Variants in STXBP5L observed in about 807,000 individuals in gnomAD.
The protein encoded by STXBP5L is syntaxin binding protein 5L, also known as syntaxin-binding protein 5-like.
STXBP5L carries 65 observed loss-of-function variants against 144.5 expected under a neutral mutation model. The observed-to-expected ratio is 0.45, with a 90% CI of 0.37 to 0.55. STXBP5L has a LOEUF of 0.55. Ranked by LOEUF, STXBP5L falls within the 20% of genes least tolerant of loss-of-function variation. The pLI is 0.00. For synonymous variants in STXBP5L, 505 were observed against 469.6 expected (o/e 1.08, Z -0.97); for missense variants, 1,298 against 1,405.5 (o/e 0.92, Z 1.22).
intron 20 of STXBP5L, among the ~76,000 whole-genome samples, chr3:121,337,305 A>G (rs1036068391): frequency 6.6e-6 from 1 of 152,104 alleles, no homozygotes; most frequent in African/African-American, 2.4e-5. Flanking sequence ...TCTTCAAGAG[A>G]CTCATCTAAT....
chr3:121,165,368 T>A (rs964412035), intron 9 of STXBP5L, among the ~76,000 whole-genome samples: 1 of 152,272 alleles, frequency 6.6e-6, no homozygotes, highest in African/African-American at 2.4e-5. Context: ...AGCACTATGA[T>A]GATATTATAC....
At chr3:121,211,778 C>T (rs1415432307) in intron 10 of STXBP5L, among the ~76,000 whole-genome samples, 1 of 151,892 alleles carries the variant, frequency 6.6e-6, no homozygotes, top group African/African-American at 2.4e-5. Flanking sequence ...GACAGGGTTA[C>T]ACCATGTTGG....
At chr3:120,928,985 A>G (rs1206989012) in intron 2 of STXBP5L, among the ~76,000 whole-genome samples, 4 of 152,274 alleles carry the variant, frequency 2.6e-5, no homozygotes, top group Non-Finnish European at 4.4e-5. Flanking sequence ...CGCAGGCAGA[A>G]GAGTGGGAGA....
chr3:121,242,529 A>T (rs1329676094), intron 14 of STXBP5L, among the ~76,000 whole-genome samples: 1 of 152,176 alleles, frequency 6.6e-6, no homozygotes, highest in Admixed American at 6.5e-5. Flanking sequence ...ACTTAAAAAC[A>T]CTACTGACAC....
chr3:121,387,481 T>C (rs1490520074), intron 22 of STXBP5L, among the ~76,000 whole-genome samples: 1 of 152,212 alleles, frequency 6.6e-6, no homozygotes, highest in Non-Finnish European at 1.5e-5. Context: ...TCCTTGCCCA[T>C]GCCTATGTCC....
chr3:121,292,333 CA>C (rs2051471444), intron 19 of STXBP5L, among the ~76,000 whole-genome samples: 1 of 152,142 alleles, frequency 6.6e-6, no homozygotes, highest in Admixed American at 6.5e-5. Flanking sequence ...ATCAAAATCA[CA>C]ATGCAATACC....
intron 18 of STXBP5L, among the ~76,000 whole-genome samples, chr3:121,274,806 G>A (rs1244276547): frequency 6.6e-6 from 1 of 152,200 alleles, no homozygotes; most frequent in African/African-American, 2.4e-5. Context: ...ATGAGACATA[G>A]TAATAGCATG....
intron 3 of STXBP5L, among the ~76,000 whole-genome samples, chr3:120,985,553 A>T (rs1416917851): frequency 1.3e-5 from 2 of 151,892 alleles, no homozygotes; most frequent in Non-Finnish European, 2.9e-5. Flanking sequence ...GCATTTTTTC[A>T]CCAACATCAG....
chr3:121,413,645 AAC>A (rs936562657), intron 24 of STXBP5L, among the ~76,000 whole-genome samples: 1 of 152,194 alleles, frequency 6.6e-6, no homozygotes, highest in Non-Finnish European at 1.5e-5. Context: ...TATGTATGTA[AAC>A]ACAAAAATTT....
intron 14 of STXBP5L, among the ~76,000 whole-genome samples, chr3:121,249,026 T>A (rs2049949190): frequency 6.6e-6 from 1 of 152,210 alleles, no homozygotes; most frequent in African/African-American, 2.4e-5. Context: ...ACCAGTACCA[T>A]GCTGTTTTGG....
At chr3:121,309,597 A>G (rs2043457242) in intron 19 of STXBP5L, among the ~76,000 whole-genome samples, 1 of 152,178 alleles carries the variant, frequency 6.6e-6, no homozygotes, top group Non-Finnish European at 1.5e-5. Flanking sequence ...CAGAAGATCA[A>G]AAAAGAATTA....
At chr3:121,413,871 C>T (rs956685929) in intron 24 of STXBP5L, among the ~76,000 whole-genome samples, 1 of 152,008 alleles carries the variant, frequency 6.6e-6, no homozygotes, top group Non-Finnish European at 1.5e-5. Context: ...ACTATTTAAC[C>T]CCCCTCATTT....
At chr3:121,067,756 T>G (rs529914682) in intron 5 of STXBP5L, among the ~76,000 whole-genome samples, 1 of 152,324 alleles carries the variant, frequency 6.6e-6, no homozygotes, top group East Asian at 1.9e-4. Context: ...TTTTTAGTAG[T>G]GATGACTTAT....
At chr3:121,176,555 C>T (rs2046944684) in intron 9 of STXBP5L, among the ~76,000 whole-genome samples, 1 of 143,294 alleles carries the variant, frequency 7.0e-6, no homozygotes, top group African/African-American at 2.5e-5. Flanking sequence ...AAATAACAAG[C>T]ATTTTCAGAT....
chr3:120,913,529 C>T (rs1442025849), intron 2 of STXBP5L, among the ~76,000 whole-genome samples: 1 of 151,924 alleles, frequency 6.6e-6, no homozygotes, highest in Non-Finnish European at 1.5e-5. Context: ...CTTATATATG[C>T]CTTAAACATT....
chr3:121,404,711 T>C (rs1259696485), intron 22 of STXBP5L, among the ~76,000 whole-genome samples: 2 of 152,144 alleles, frequency 1.3e-5, no homozygotes, highest in Non-Finnish European at 2.9e-5. Flanking sequence ...ATAGAAGACA[T>C]GAAACTCCTG....
intron 8 of STXBP5L, among the ~76,000 whole-genome samples, chr3:121,153,277 T>C (rs905119743): frequency 2.0e-5 from 3 of 152,036 alleles, no homozygotes; most frequent in Non-Finnish European, 4.4e-5. Context: ...AAGAGGCTAA[T>C]AAGAAGACCG....
At chr3:121,190,999 G>T (rs906736060) in intron 9 of STXBP5L, among the ~76,000 whole-genome samples, 9 of 150,926 alleles carry the variant, frequency 6.0e-5, no homozygotes, top group African/African-American at 2.2e-4. Flanking sequence ...GGGCAGAGAC[G>T]CTCCTCACTT....
intron 22 of STXBP5L, among the ~76,000 whole-genome samples, chr3:121,388,872 C>T (rs1430012684): frequency 1.3e-5 from 2 of 152,128 alleles, no homozygotes; most frequent in Non-Finnish European, 2.9e-5. Context: ...GTGTCTCTGC[C>T]AGGCTTTGGT....
Sources: gnomAD v4.1 joint callset for allele counts (sites outside exome capture counted in the v4.1 genomes callset) on GRCh38, gnomAD v4.1.1 for gene constraint, MANE v1.5 for transcripts, NCBI Gene and HGNC (gene_info 2026-07-23, HGNC 2026-07-21) for gene names.